The following ZFAT variants were observed in gnomAD, a reference collection of about 807,000 sequenced individuals.
ZFAT encodes the protein zinc finger protein ZFAT.
In ZFAT, 64 loss-of-function variants were observed where a neutral mutation model predicts 117.7. The observed-to-expected ratio is 0.54, with a 90% CI of 0.44 to 0.67. The LOEUF is 0.67. Ranked by LOEUF, ZFAT falls within the 30% of genes least tolerant of loss-of-function variation. ZFAT has a pLI of 0.00. For synonymous variants in ZFAT, 679 were observed against 615.0 expected (o/e 1.10, Z -1.54); for missense variants, 1,433 against 1,584.5 (o/e 0.90, Z 1.62).
At chr8:134,596,560 TC>T (rs908039566) in intron 7 of ZFAT, among the ~76,000 whole-genome samples, 196 of 152,342 alleles carry the variant, frequency 1.3e-3, no homozygotes, top group African/African-American at 4.5e-3. Flanking sequence ...CTCCATGCTT[TC>T]TTAGGTGATT....
chr8:134,500,216 C>T (rs1818870309), intron 15 of ZFAT, among the ~76,000 whole-genome samples: 1 of 152,196 alleles, frequency 6.6e-6, no homozygotes, highest in African/African-American at 2.4e-5. Flanking sequence ...ACCGACCTGC[C>T]TTGGCTAAGG....
the ZFAT span, among the ~76,000 whole-genome samples, chr8:134,734,030 C>T: frequency 6.6e-6 from 1 of 152,212 alleles, no homozygotes; most frequent in East Asian, 1.9e-4. Context: ...TCCAAGAGCT[C>T]ATCCTGGTTA....
rs748537476 is a variant in ZFAT at position 134,601,519 on chromosome 8, G to A, written c.2200C>T (p.Arg734Trp). 1.9e-5 allele frequency: 30 copies of A among 1,614,044 alleles called. No homozygotes were observed. The highest frequency in any genetic ancestry group is 5.3e-5 in the African/African-American group (4 of 75,040). Residue 734 changes from arginine to tryptophan, a missense_variant, in exon 6 of 16, where the codon CGG (arginine) becomes TGG (tryptophan). Physicochemically the swap from Arg to Trp is moderately radical, Grantham distance 101. Coordinates refer to ENST00000377838, the MANE Select transcript of ZFAT (RefSeq NM_020863.4). ...AGGTCTCCATAAACCTTCCGGATCC[G>A]CTCACACAAGCTGGTGTTCATTTGC... ...KKQMNTSLCE[R>W]IRKVYGDLEC...
intron 15 of ZFAT, among the ~76,000 whole-genome samples, chr8:134,483,749 C>T (rs113153784): frequency 9.6e-4 from 146 of 152,318 alleles, no homozygotes; most frequent in African/African-American, 3.1e-3. Flanking sequence ...TCTGCTGTTC[C>T]GCTGTCTCCA....
At chr8:134,534,059 G>A (rs1821636196) in intron 11 of ZFAT, among the ~76,000 whole-genome samples, 1 of 152,200 alleles carries the variant, frequency 6.6e-6, no homozygotes, top group African/African-American at 2.4e-5. Flanking sequence ...GCCTGGTGCA[G>A]GGGACTCAGA....
At chr8:134,772,936 A>AC in the ZFAT span, among the ~76,000 whole-genome samples, 8 of 151,938 alleles carry the variant, frequency 5.3e-5, no homozygotes, top group Admixed American at 4.6e-4. Flanking sequence ...AACAACAACA[A>AC]AAAAAACTAG....
chr8:134,608,575 G>T (rs1296333780), intron 5 of ZFAT, among the ~76,000 whole-genome samples, 154 bp downstream of exon 5: 1 of 152,086 alleles, frequency 6.6e-6, no homozygotes, highest in Non-Finnish European at 1.5e-5. Context: ...GCCATGGAGG[G>T]GTAATTCTAC....
At position 134,558,342 on chromosome 8, in the gene ZFAT, T is replaced by C. The variant is rs191267452; in HGVS notation, c.2976+6991A>G. Among the ~76,000 whole-genome samples the C allele has an allele frequency of 6.5e-3, 994 of 152,348 alleles. 12 individuals are homozygous for C. Among genetic ancestry groups the C allele is most frequent in the African/African-American group, 0.023 (937 of 41,582 alleles). ...CTGTGTGGAGACATTCCTTCTGGTC[T>C]GTTCCCTCAAAGCAACTCCTCTTTC... On this transcript the variant is annotated intron_variant, in intron 11 of 15. Transcript: ENST00000377838.
intron 7 of ZFAT, among the ~76,000 whole-genome samples, chr8:134,591,731 A>G (rs767155149): frequency 6.6e-5 from 10 of 152,206 alleles, no homozygotes; most frequent in Non-Finnish European, 1.2e-4. Context: ...CACCATGTGC[A>G]GATGGAGGCA....
chr8:134,600,138 A>G, intron 7 of ZFAT: 1 of 438,588 alleles, frequency 2.3e-6, no homozygotes, highest in Non-Finnish European at 4.1e-6. Flanking sequence ...ATGTCATTTG[A>G]GAAATTCTGA....
At chr8:134,651,669 GAGA>G (rs1252065705) in intron 2 of ZFAT, among the ~76,000 whole-genome samples, 2 of 152,202 alleles carry the variant, frequency 1.3e-5, no homozygotes, top group South Asian at 2.1e-4. Context: ...TAAAGGTATA[GAGA>G]AGGACTAGCA....
chr8:134,817,496 CA>C, the ZFAT span, among the ~76,000 whole-genome samples: 1 of 149,868 alleles, frequency 6.7e-6, no homozygotes, highest in Non-Finnish European at 1.5e-5. Context: ...TATACGAGAC[CA>C]AAATATAAAA....
At chr8:134,712,728 G>GGCCGGCA in intron 1 of ZFAT, 117 bp downstream of exon 1, 2 of 881,800 alleles carry the variant, frequency 2.3e-6, no homozygotes, top group South Asian at 2.2e-5. Flanking sequence ...CGCGGCCGGC[G>GGCCGGCA]GCCGGCGGCC....
At chr8:134,479,980 G>A (rs1369677203) in intron 15 of ZFAT, among the ~76,000 whole-genome samples, 1 of 144,100 alleles carries the variant, frequency 6.9e-6, no homozygotes, top group Admixed American at 6.9e-5. Flanking sequence ...TGGAGACAAG[G>A]TCTGACTCTG....
chr8:134,637,149 T>C (rs543265575), intron 3 of ZFAT, among the ~76,000 whole-genome samples: 1 of 152,244 alleles, frequency 6.6e-6, no homozygotes, highest in Non-Finnish European at 1.5e-5. Context: ...ATTTAAAACC[T>C]TGTCTTCTTT....
At chr8:134,573,454 T>C (rs1825083099) in intron 10 of ZFAT, among the ~76,000 whole-genome samples, 1 of 152,180 alleles carries the variant, frequency 6.6e-6, no homozygotes, top group Non-Finnish European at 1.5e-5. Flanking sequence ...TGCAGGCTGA[T>C]GTTGCTGGTG....
At chr8:134,598,722 C>T (rs1365721412) in intron 7 of ZFAT, 1 of 152,216 alleles carries the variant, frequency 6.6e-6, no homozygotes, top group African/African-American at 2.4e-5. Flanking sequence ...TTCAAAATCT[C>T]TAAATCCAGA....
intron 11 of ZFAT, among the ~76,000 whole-genome samples, chr8:134,563,204 A>G (rs958694041): frequency 6.6e-6 from 1 of 152,276 alleles, no homozygotes; most frequent in Non-Finnish European, 1.5e-5. Context: ...CCACTAGGTG[A>G]CATATGAGTC....
rs1196834069 is a variant in ZFAT, at chr8:134,691,857, T to C, written c.19+20988A>G. ...ATCCATGTTAAAGCTATAAAAGATA[T>C]TTACCTGCATTTCCTTTATCATGAA... On this transcript the variant is annotated intron_variant, in intron 1 of 15. Transcript: ENST00000377838. Among the ~76,000 whole-genome samples the C allele has an allele frequency of 3.3e-5, 5 of 152,216 alleles. No individual in the cohort carries two copies. The South Asian group carries it at 8.3e-4, about 25-fold the overall frequency.
Sources: allele counts gnomAD v4.1 joint callset (sites outside exome capture counted in the v4.1 genomes callset), GRCh38; gene constraint gnomAD v4.1.1; transcripts MANE v1.5; gene names NCBI Gene and HGNC (gene_info 2026-07-23, HGNC 2026-07-21).